GOLGA7: variants seen among roughly 807,000 people sequenced by gnomAD.
The protein encoded by GOLGA7 is golgin subfamily A member 7.
A neutral mutation model predicts 21.1 loss-of-function variants in GOLGA7; 10 were observed. The ratio of observed to expected loss-of-function variants is 0.47; its 90% CI spans 0.29 to 0.80. The LOEUF (loss-of-function observed/expected upper bound fraction) is 0.80. Among genes scored for constraint, GOLGA7 ranks in the 30% least tolerant of loss-of-function variants. GOLGA7 has a pLI of 0.08. For synonymous variants in GOLGA7, 64 were observed against 62.6 expected (o/e 1.02, Z -0.10); for missense variants, 114 against 166.8 (o/e 0.68, Z 1.74).
chr8:41,499,465 G>A (rs1405658178), intron 2 of GOLGA7, among the ~76,000 whole-genome samples: 1 of 152,204 alleles, frequency 6.6e-6, no homozygotes, highest in African/African-American at 2.4e-5. Context: ...GTTTTGTTGA[G>A]TGGAAGTAGC....
At chr8:41,499,359 T>G (rs1156600930) in intron 2 of GOLGA7, among the ~76,000 whole-genome samples, 1 of 152,180 alleles carries the variant, frequency 6.6e-6, no homozygotes, top group Non-Finnish European at 1.5e-5. Flanking sequence ...GACCCCTGCC[T>G]TATCACAAGG....
At chr8:41,502,174 A>G (rs1056172658) in intron 2 of GOLGA7, among the ~76,000 whole-genome samples, 3 of 152,254 alleles carry the variant, frequency 2.0e-5, no homozygotes, top group African/African-American at 7.2e-5. Context: ...TATACTTTTA[A>G]TAGAAGTGTG....
intron 2 of GOLGA7, among the ~76,000 whole-genome samples, chr8:41,498,231 G>A (rs1806067078): frequency 6.6e-6 from 1 of 152,176 alleles, no homozygotes; most frequent in African/African-American, 2.4e-5. Flanking sequence ...ACTATCCTGG[G>A]TTATGCCCTT....
intron 2 of GOLGA7, among the ~76,000 whole-genome samples, chr8:41,499,583 C>T (rs1185791073): frequency 6.6e-6 from 1 of 152,200 alleles, no homozygotes; most frequent in Admixed American, 6.5e-5. Flanking sequence ...CCTGATTCTG[C>T]CAATTGATGG....
chr8:41,504,131 AAAAAAC>A (rs1422722805), intron 2 of GOLGA7, among the ~76,000 whole-genome samples: 13 of 131,960 alleles, frequency 9.9e-5, no homozygotes, highest in African/African-American at 2.7e-4. Flanking sequence ...AAAAAAAAAA[AAAAAAC>A]AAAACAAAAC....
chr8:41,494,921 T>C (rs1805971088), intron 1 of GOLGA7, among the ~76,000 whole-genome samples: 1 of 152,144 alleles, frequency 6.6e-6, no homozygotes, highest in South Asian at 2.1e-4. Flanking sequence ...TGTTTTACAC[T>C]TTAAAAGATT....
chr8:41,506,953 A>G, intron 3 of GOLGA7, 106 bp from the exon 4 acceptor site: 1 of 724,402 alleles, frequency 1.4e-6, no homozygotes, highest in Non-Finnish European at 2.5e-6. Context: ...ATTGAAAAAT[A>G]AAGCAAACTG....
rs1474972870 is a variant in GOLGA7, at chr8:41,509,776, GT to G, written c.*209del. 6 of 152,598 alleles carry G rather than the reference GT, an allele frequency of 3.9e-5. No homozygotes were observed. Among genetic ancestry groups the G allele is most frequent in the African/African-American group, 1.4e-4 (6 of 41,434 alleles). 9.5% of individuals were successfully genotyped at this position (152,598 alleles called of 1,614,324 possible). A position where few individuals can be genotyped will look rare whatever the true frequency, so the allele number is the denominator to read the frequency against. Reference sequence around the variant, plus strand: ...AGCATCCACTTTGTGTCTCCAAATTGTGTAGGACTCTGTAATCTTTTGATTA... The same window carrying G: ...AGCATCCACTTTGTGTCTCCAAATTGGTAGGACTCTGTAATCTTTTGATTA... On this transcript the variant is annotated 3_prime_UTR_variant, in exon 5 of 5. Coordinates refer to ENST00000357743, the MANE Select transcript of GOLGA7 (RefSeq NM_001002296.2).
Position 41,507,134 on chromosome 8 carries a change from T to C in GOLGA7, c.*15+13T>C. On this transcript the variant is annotated intron_variant, in intron 4 of 4. Transcript: ENST00000357743. ...CGAAGAATTAAAGGTAAATATGAAA[T>C]GATATGGCTTGTATGCAGCTTTTGC... is the stretch of plus-strand genomic sequence containing the variant. 1 of 930,548 alleles carries C rather than the reference T, an allele frequency of 1.1e-6. No homozygotes were observed. The highest frequency in any genetic ancestry group is 1.8e-6 in the Non-Finnish European group (1 of 555,462). The allele number at this position is 930,548 out of a possible 1,614,324, so 57.6% of individuals were successfully genotyped here.
At chr8:41,500,218 A>G (rs1585600460) in intron 2 of GOLGA7, among the ~76,000 whole-genome samples, 2 of 152,254 alleles carry the variant, frequency 1.3e-5, no homozygotes, top group Admixed American at 6.5e-5. Flanking sequence ...ACACATTATG[A>G]TAAGTGCCTT....
intron 3 of GOLGA7, among the ~76,000 whole-genome samples, chr8:41,506,422 A>G (rs972341694): frequency 6.6e-6 from 1 of 152,188 alleles, no homozygotes; most frequent in Admixed American, 6.6e-5. Context: ...TGACTAGTTG[A>G]AATCAGTTAC....
chr8:41,500,418 A>G (rs1179881514), intron 2 of GOLGA7, among the ~76,000 whole-genome samples: 1 of 152,176 alleles, frequency 6.6e-6, no homozygotes, highest in Non-Finnish European at 1.5e-5. Context: ...GAACTGAGAG[A>G]AGGTGATGCA....
chr8:41,497,133 C>A (rs548119305), intron 1 of GOLGA7, among the ~76,000 whole-genome samples: 3 of 151,436 alleles, frequency 2.0e-5, no homozygotes, highest in Non-Finnish European at 4.4e-5. Context: ...TTTATGTTTA[C>A]ATTGCCTGTT....
intron 1 of GOLGA7, among the ~76,000 whole-genome samples, chr8:41,492,072 T>C (rs1448881788): frequency 6.6e-6 from 1 of 152,250 alleles, no homozygotes; most frequent in African/African-American, 2.4e-5. Context: ...CCATTATAGT[T>C]TCCTTCAGTT....
intron 2 of GOLGA7, chr8:41,505,666 A>G (rs1048675205): frequency 1.1e-5 from 4 of 360,356 alleles, no homozygotes; most frequent in Non-Finnish European, 2.0e-5. Flanking sequence ...TCATCGTGCC[A>G]TTGTATGCTT....
At chr8:41,505,703 A>T in intron 2 of GOLGA7, 1 of 448,904 alleles carries the variant, frequency 2.2e-6, no homozygotes, top group East Asian at 3.7e-5. Context: ...TGTGTCGAAG[A>T]TATTTTTGAC....
chr8:41,495,918 A>G (rs1806001074), intron 1 of GOLGA7, among the ~76,000 whole-genome samples: 1 of 152,130 alleles, frequency 6.6e-6, no homozygotes, highest in Non-Finnish European at 1.5e-5. Context: ...AATAAAGTAA[A>G]AGCAGATGAT....
intron 2 of GOLGA7, chr8:41,502,459 A>C (rs2150444178): frequency 6.6e-6 from 1 of 151,758 alleles, no homozygotes; most frequent in South Asian, 2.1e-4. Flanking sequence ...TTTCCCTATA[A>C]TGTGCTATTT....
chr8:41,496,847 A>C (rs1806028784), intron 1 of GOLGA7, among the ~76,000 whole-genome samples: 1 of 118,708 alleles, frequency 8.4e-6, no homozygotes, highest in Non-Finnish European at 1.6e-5. Flanking sequence ...TCGCTCTGTC[A>C]CCCAGGCTGG....
Sources: gnomAD v4.1 joint callset for allele counts (sites outside exome capture counted in the v4.1 genomes callset) on GRCh38, gnomAD v4.1.1 for gene constraint, MANE v1.5 for transcripts, NCBI Gene and HGNC (gene_info 2026-07-23, HGNC 2026-07-21) for gene names.